SLCO6A1: variants seen among roughly 807,000 people sequenced by gnomAD.
SLCO6A1 encodes cancer/testis antigen 48.
In SLCO6A1, 65 loss-of-function variants were observed where a neutral mutation model predicts 72.7. That is an observed-to-expected ratio of 0.89 (90% CI 0.73 to 1.10). The LOEUF (loss-of-function observed/expected upper bound fraction) is 1.10, where lower values mean the gene tolerates loss of function less well. SLCO6A1 is among the 50% of genes least tolerant of loss of function. The pLI is 0.00. For synonymous variants in SLCO6A1, 314 were observed against 298.2 expected (o/e 1.05, Z -0.55); for missense variants, 874 against 872.6 (o/e 1.00, Z -0.02).
chr5:102,476,514 G>A (rs1172582269), intron 3 of SLCO6A1, among the ~76,000 whole-genome samples: 2 of 152,036 alleles, frequency 1.3e-5, no homozygotes, highest in Non-Finnish European at 2.9e-5. Flanking sequence ...AATGTTCATC[G>A]CATCTAAAAA....
At chr5:102,426,551 A>T (rs776045386) in intron 7 of SLCO6A1, among the ~76,000 whole-genome samples, 24 of 152,242 alleles carry the variant, frequency 1.6e-4, no homozygotes, top group Non-Finnish European at 2.9e-4. Flanking sequence ...GAGAAATGCA[A>T]ATCAAAACCA....
In SLCO6A1 at chr5:102,399,528, C is replaced by T. The variant is rs1747279338; in HGVS notation, c.1814+27G>A. ...TTACTTTTCTTATATATTAAATAAA[C>T]AATAATAATGAGTAATATATACATA... On this transcript the variant is annotated intron_variant, in intron 10 of 13. Transcript: ENST00000506729. 5 of 1,286,876 alleles carry T rather than the reference C, an allele frequency of 3.9e-6. No individual in the cohort carries two copies. In the South Asian group the frequency reaches 1.3e-4, roughly 35 times the overall value. 79.7% of individuals were successfully genotyped at this position (1,286,876 alleles called of 1,614,324 possible).
chr5:102,482,304 CAT>C (rs1157339939), intron 1 of SLCO6A1, among the ~76,000 whole-genome samples: 1 of 152,016 alleles, frequency 6.6e-6, no homozygotes, highest in African/African-American at 2.4e-5. Flanking sequence ...CGCAAATGTA[CAT>C]ATGACATATT....
chr5:102,450,258 A>G (rs1373042456), intron 6 of SLCO6A1, among the ~76,000 whole-genome samples: 1 of 152,164 alleles, frequency 6.6e-6, no homozygotes, highest in African/African-American at 2.4e-5. Flanking sequence ...TGTGTGGGCT[A>G]TGTTCCTTTA....
intron 7 of SLCO6A1, among the ~76,000 whole-genome samples, chr5:102,431,139 T>A (rs987473189): frequency 1.3e-5 from 2 of 152,126 alleles, no homozygotes; most frequent in African/African-American, 4.8e-5. Context: ...TCAGTGGTAA[T>A]ATCCTCCTTA....
At chr5:102,488,056 G>T (rs144378669) in intron 1 of SLCO6A1, among the ~76,000 whole-genome samples, 1,568 of 152,190 alleles carry the variant, frequency 0.01, 30 homozygotes, top group Admixed American at 0.042. Flanking sequence ...GCATAAACGG[G>T]AGCTGTTTCG....
chr5:102,473,694 T>A (rs1288223470), intron 4 of SLCO6A1, among the ~76,000 whole-genome samples: 1 of 152,012 alleles, frequency 6.6e-6, no homozygotes, highest in Non-Finnish European at 1.5e-5. Context: ...TCAGATGACA[T>A]GATCTTATAT....
chr5:102,399,823 T>A (rs1747303190), intron 9 of SLCO6A1, 81 bp from the exon 10 acceptor site: 2 of 987,002 alleles, frequency 2.0e-6, no homozygotes, highest in African/African-American at 3.3e-5. Context: ...AAAAATTAAA[T>A]CAATAACTGC....
At chr5:102,397,121 A>G (rs189918789) in intron 10 of SLCO6A1, among the ~76,000 whole-genome samples, 58 of 152,210 alleles carry the variant, frequency 3.8e-4, no homozygotes, top group African/African-American at 1.3e-3. Flanking sequence ...ACTCATATGT[A>G]GTTACATTTA....
chr5:102,390,889 T>C, intron 11 of SLCO6A1, 92 bp downstream of exon 11: 1 of 1,076,058 alleles, frequency 9.3e-7, no homozygotes, highest in Non-Finnish European at 1.4e-6. Context: ...TGTCATTTAC[T>C]ATTATTTATT....
intron 12 of SLCO6A1, 38 bp from the exon 13 acceptor site, chr5:102,373,532 T>C (rs369810298): frequency 1.3e-4 from 172 of 1,343,630 alleles, no homozygotes; most frequent in Non-Finnish European, 1.5e-4. Flanking sequence ...TATGTCCATG[T>C]ATTTAGAACA....
At chr5:102,496,555 G>C (rs979089438) in intron 1 of SLCO6A1, among the ~76,000 whole-genome samples, 5 of 152,144 alleles carry the variant, frequency 3.3e-5, no homozygotes, top group African/African-American at 1.2e-4. Flanking sequence ...CACTAAACTA[G>C]ATAATACTTG....
At chr5:102,435,520 A>T (rs916162862) in intron 7 of SLCO6A1, among the ~76,000 whole-genome samples, 2 of 152,200 alleles carry the variant, frequency 1.3e-5, no homozygotes, top group Non-Finnish European at 2.9e-5. Context: ...TTGAGTATAT[A>T]AGGTAGCAGG....
intron 1 of SLCO6A1, among the ~76,000 whole-genome samples, chr5:102,488,685 T>A (rs1752545642): frequency 6.6e-6 from 1 of 152,222 alleles, no homozygotes; most frequent in Admixed American, 6.5e-5. Flanking sequence ...TCAGTCAATT[T>A]AATTTAAGCA....
At chr5:102,404,413 T>C (rs1184584577) in intron 9 of SLCO6A1, among the ~76,000 whole-genome samples, 1 of 152,106 alleles carries the variant, frequency 6.6e-6, no homozygotes, top group Non-Finnish European at 1.5e-5. Context: ...GAGAATGCCG[T>C]GAACCGGGGA....
intron 12 of SLCO6A1, among the ~76,000 whole-genome samples, chr5:102,380,408 C>T (rs1203195137): frequency 1.3e-5 from 2 of 151,970 alleles, no homozygotes; most frequent in African/African-American, 2.4e-5. Flanking sequence ...AGATAGACTT[C>T]CTTGCCAACA....
chr5:102,427,160 TTAAAAA>T (rs1156741253), intron 7 of SLCO6A1, among the ~76,000 whole-genome samples: 2 of 151,836 alleles, frequency 1.3e-5, no homozygotes, highest in Non-Finnish European at 2.9e-5. Context: ...AACCTGGATA[TTAAAAA>T]ATATAATTCT....
chr5:102,373,871 AT>A (rs1480650347), intron 12 of SLCO6A1, among the ~76,000 whole-genome samples: 6 of 152,182 alleles, frequency 3.9e-5, no homozygotes, highest in South Asian at 4.1e-4. Context: ...CATTTTTCAA[AT>A]AAAACAAATA....
chr5:102,473,233 A>C (rs7731310), intron 4 of SLCO6A1, among the ~76,000 whole-genome samples: 96,617 of 151,752 alleles, frequency 0.64, 30,940 homozygotes, highest in African/African-American at 0.66. Context: ...ATCAAAACAC[A>C]AGCAAATTGA....
Sources: gnomAD v4.1 joint callset for allele counts (sites outside exome capture counted in the v4.1 genomes callset) on GRCh38, gnomAD v4.1.1 for gene constraint, MANE v1.5 for transcripts, NCBI Gene and HGNC (gene_info 2026-07-23, HGNC 2026-07-21) for gene names.